METTL2A: variants seen among roughly 807,000 people sequenced by gnomAD.
The protein encoded by METTL2A is tRNA N(3)-cytidine methyltransferase METTL2A.
METTL2A carries 45 observed loss-of-function variants against 49.4 expected under a neutral mutation model. The ratio of observed to expected loss-of-function variants is 0.91; its 90% CI spans 0.72 to 1.17. The LOEUF is 1.17. METTL2A is among the 50% of genes most tolerant of loss of function. METTL2A has a pLI of 0.00. For missense variants in METTL2A, 361 were observed against 462.2 expected (o/e 0.78, Z 2.01); for synonymous variants, 118 against 167.5 (o/e 0.70, Z 2.28).
intron 5 of METTL2A, among the ~76,000 whole-genome samples, chr17:62,437,439 T>C (rs2070708509): frequency 6.6e-6 from 1 of 152,136 alleles, no homozygotes; most frequent in South Asian, 2.1e-4. Context: ...TAGTCAGTAT[T>C]TCCTAATTTT....
At chr17:62,426,063 G>T (rs547100181) in intron 2 of METTL2A, among the ~76,000 whole-genome samples, 5 of 152,022 alleles carry the variant, frequency 3.3e-5, no homozygotes, top group Non-Finnish European at 5.9e-5. Flanking sequence ...AAGTTCTCTG[G>T]TTGATTGTTC....
At position 62,451,490 on chromosome 17, in the gene METTL2A, C is replaced by T. The variant is rs528080663; in HGVS notation, c.*2761C>T. ...AAAAATGTTAAAAATAGGCCGGGTGCGGTGGCTCACACCTGTAATCCCAGC... is the reference window on the plus strand; with the variant it reads ...AAAAATGTTAAAAATAGGCCGGGTGTGGTGGCTCACACCTGTAATCCCAGC... On this transcript the variant is annotated 3_prime_UTR_variant, in exon 9 of 9. Coordinates refer to ENST00000311506, the MANE Select transcript of METTL2A (RefSeq NM_181725.4). 1.7e-3 allele frequency among the ~76,000 whole-genome samples: 256 copies of T among 146,972 alleles called. No homozygotes were observed. Among genetic ancestry groups the T allele is most frequent in the Non-Finnish European group, 3.0e-3 (201 of 66,770 alleles).
chr17:62,425,798 A>C (rs1377705738), intron 2 of METTL2A, among the ~76,000 whole-genome samples: 1 of 149,366 alleles, frequency 6.7e-6, no homozygotes, highest in Non-Finnish European at 1.5e-5. Flanking sequence ...CAGGAGATCG[A>C]GACCATCCTG....
intron 7 of METTL2A, among the ~76,000 whole-genome samples, chr17:62,446,088 C>G (rs2070766584): frequency 6.6e-6 from 1 of 152,202 alleles, no homozygotes; most frequent in Non-Finnish European, 1.5e-5. Flanking sequence ...CGAGTTAGTA[C>G]TTCCTATTGC....
intron 5 of METTL2A, among the ~76,000 whole-genome samples, chr17:62,436,059 G>A (rs2070698168): frequency 6.6e-6 from 1 of 151,928 alleles, no homozygotes; most frequent in South Asian, 2.1e-4. Context: ...GTGAAACCCT[G>A]TCTCTACTAA....
At position 62,449,565 on chromosome 17, in the gene METTL2A, G is replaced by A. The variant is rs2070792400; in HGVS notation, c.*836G>A. ...GTCTCTACTAAAGATAAAAAAATTAGCTGAGTGTGTTGGTGGGTGCCTGTA... is the reference window on the plus strand; with the variant it reads ...GTCTCTACTAAAGATAAAAAAATTAACTGAGTGTGTTGGTGGGTGCCTGTA... On this transcript the variant is annotated 3_prime_UTR_variant, in exon 9 of 9. Transcript: ENST00000311506. The A allele has an allele frequency of 6.0e-6, 2 of 331,690 alleles. No individual in the cohort carries two copies. Among genetic ancestry groups the A allele is most frequent in the Middle Eastern group, 1.1e-3 (1 of 942 alleles). The allele number at this position is 331,690 out of a possible 1,614,324, so 20.5% of individuals were successfully genotyped here. A position where few individuals can be genotyped will look rare whatever the true frequency, so the allele number is the denominator to read the frequency against.
intron 5 of METTL2A, among the ~76,000 whole-genome samples, chr17:62,438,654 C>T (rs1417960931): frequency 6.6e-6 from 1 of 150,510 alleles, no homozygotes; most frequent in Non-Finnish European, 1.5e-5. Flanking sequence ...TAGTGCCATG[C>T]TTTTAGAATT....
rs1013714791 is a variant in METTL2A, at chr17:62,451,057, G to A, written c.*2328G>A. Among the ~76,000 whole-genome samples the A allele has an allele frequency of 2.7e-4, 41 of 151,920 alleles. No homozygotes were observed. Among genetic ancestry groups the A allele is most frequent in the Non-Finnish European group, 5.6e-4 (38 of 68,014 alleles). On this transcript the variant is annotated 3_prime_UTR_variant, in exon 9 of 9. Coordinates refer to ENST00000311506, the MANE Select transcript of METTL2A (RefSeq NM_181725.4). ...ACACAAAAACATGATTATGTTGGCT[G>A]GGCACAGTGGCTCCTGTAATCCTAG... is the stretch of plus-strand genomic sequence containing the variant.
chr17:62,442,441 A>T (rs992678375), intron 6 of METTL2A, among the ~76,000 whole-genome samples: 4 of 151,682 alleles, frequency 2.6e-5, no homozygotes, highest in Non-Finnish European at 5.9e-5. Flanking sequence ...ACACCTGGCT[A>T]ATATTTTTTG....
intron 5 of METTL2A, among the ~76,000 whole-genome samples, chr17:62,439,703 A>G (rs2070725413): frequency 1.3e-5 from 2 of 152,038 alleles, no homozygotes; most frequent in South Asian, 4.1e-4. Flanking sequence ...AAGTGCTGGG[A>G]TTACAGGCGT....
intron 8 of METTL2A, 42 bp from the exon 9 acceptor site, chr17:62,448,533 T>G (rs1281241818): frequency 1.2e-6 from 2 of 1,604,798 alleles, no homozygotes; most frequent in South Asian, 2.2e-5. Flanking sequence ...TGCCTTTTCT[T>G]GAGGGGAAAA....
At chr17:62,429,879 T>C (rs2070653128) in intron 4 of METTL2A, among the ~76,000 whole-genome samples, 2 of 150,942 alleles carry the variant, frequency 1.3e-5, no homozygotes, top group South Asian at 2.1e-4. Context: ...CCATGTTGGC[T>C]AGGCTGGTCT....
intron 6 of METTL2A, among the ~76,000 whole-genome samples, chr17:62,443,975 A>C (rs1159303785): frequency 6.6e-6 from 1 of 152,196 alleles, no homozygotes; most frequent in Non-Finnish European, 1.5e-5. Flanking sequence ...TTCAACCTGC[A>C]CCAAGACTTT....
At chr17:62,439,779 T>A (rs1274293944) in intron 5 of METTL2A, among the ~76,000 whole-genome samples, 1 of 152,090 alleles carries the variant, frequency 6.6e-6, no homozygotes, top group Non-Finnish European at 1.5e-5. Context: ...TTTTTCCCTG[T>A]TGGTCACTCA....
intron 7 of METTL2A, 143 bp from the exon 8 acceptor site, chr17:62,447,558 C>A (rs1209415654): frequency 2.5e-6 from 2 of 800,502 alleles, no homozygotes; most frequent in South Asian, 1.6e-5. Context: ...TTGTGACTTA[C>A]TCCTGTTGAG....
intron 7 of METTL2A, among the ~76,000 whole-genome samples, chr17:62,446,605 G>A (rs1178096740): frequency 6.6e-6 from 1 of 152,214 alleles, no homozygotes; most frequent in Non-Finnish European, 1.5e-5. Context: ...GAGCCACTGC[G>A]CTCGGCTTAC....
chr17:62,432,796 C>T (rs890214974), intron 4 of METTL2A, among the ~76,000 whole-genome samples: 6 of 142,250 alleles, frequency 4.2e-5, no homozygotes, highest in South Asian at 2.1e-4. Flanking sequence ...AGTGAGACTC[C>T]GTCTCAAAAA....
intron 4 of METTL2A, among the ~76,000 whole-genome samples, chr17:62,432,732 G>A (rs1047521077): frequency 6.6e-6 from 1 of 152,082 alleles, no homozygotes; most frequent in African/African-American, 2.4e-5. Context: ...AACCTGGGAG[G>A]CGGAGCTTGC....
In METTL2A at chr17:62,449,376, ATG is replaced by A. The variant is rs1413434498; in HGVS notation, c.*650_*651del. 3 of 452,364 alleles carry A rather than the reference ATG, an allele frequency of 6.6e-6. No individual in the cohort carries two copies. The highest frequency in any genetic ancestry group is 6.0e-5 in the African/African-American group (3 of 49,760). 28.0% of individuals were successfully genotyped at this position (452,364 alleles called of 1,614,324 possible). ...AAATGACCCTACAGAGAGCATCAAA[ATG>A]TGGTGTTCTTGTTAAGTAATTGATC... On this transcript the variant is annotated 3_prime_UTR_variant, in exon 9 of 9. Coordinates refer to ENST00000311506, the MANE Select transcript of METTL2A (RefSeq NM_181725.4).
Sources: allele counts gnomAD v4.1 joint callset (sites outside exome capture counted in the v4.1 genomes callset), GRCh38; gene constraint gnomAD v4.1.1; transcripts MANE v1.5; gene names NCBI Gene and HGNC (gene_info 2026-07-23, HGNC 2026-07-21).